ACSM6: variants seen among roughly 807,000 people sequenced by gnomAD.
The protein encoded by ACSM6 is acyl-coenzyme A synthetase ACSM6, mitochondrial.
A neutral mutation model predicts 51.1 loss-of-function variants in ACSM6; 35 were observed. The ratio of observed to expected loss-of-function variants is 0.69; its 90% confidence interval spans 0.52 to 0.91. The LOEUF is 0.91. Ranked by LOEUF, ACSM6 falls within the 40% of genes least tolerant of loss-of-function variation. ACSM6 has a pLI of 0.00. For missense variants in ACSM6, 509 were observed against 584.1 expected (o/e 0.87, Z 1.32); for synonymous variants, 172 against 207.3 (o/e 0.83, Z 1.46).
intron 7 of ACSM6, 90 bp from the exon 8 acceptor site, chr10:95,214,762 C>T: frequency 7.1e-7 from 1 of 1,399,174 alleles, no homozygotes. Context: ...ATTGGAATAA[C>T]TGCATCATTT....
chr10:95,228,859 G>A (rs1041551355), exon 11 of ACSM6: 8 of 1,303,452 alleles, frequency 6.1e-6, no homozygotes, highest in Non-Finnish European at 7.0e-6. Flanking sequence ...CAATACGTAG[G>A]AATTATATTT....
At chr10:95,215,018 G>T in intron 8 of ACSM6, 43 bp downstream of exon 8, 1 of 1,548,184 alleles carries the variant, frequency 6.5e-7, no homozygotes. Context: ...AACCAAACTT[G>T]CCCATTCACT....
chr10:95,213,517 C>A (rs2034915534), intron 7 of ACSM6, among the ~76,000 whole-genome samples: 1 of 152,104 alleles, frequency 6.6e-6, no homozygotes, highest in African/African-American at 2.4e-5. Context: ...ATTTTTTTCA[C>A]ACTATTCCTT....
intron 10 of ACSM6, 160 bp from the exon 11 acceptor site, chr10:95,228,484 C>A: frequency 1.6e-6 from 1 of 623,852 alleles, no homozygotes; most frequent in Non-Finnish European, 2.4e-6. Flanking sequence ...GGAAAGTTCT[C>A]CGTGTTTGTT....
At chr10:95,219,389 A>G (rs1337379177) in intron 8 of ACSM6, among the ~76,000 whole-genome samples, 2 of 152,200 alleles carry the variant, frequency 1.3e-5, no homozygotes, top group East Asian at 1.9e-4. Context: ...GCACTAAAAA[A>G]CAAACATATT....
rs149970124 is a variant in ACSM6 at position 95,227,094 on chromosome 10, C to T, written c.1303-1550C>T. On this transcript the variant is annotated intron_variant, in intron 10 of 10. Coordinates refer to ENST00000341686, the Ensembl canonical transcript of ACSM6. ...CTCCACCTCCCGGGTTCAAGCGATT[C>T]TACTGCCTCAGCCTCATGAGTAGCT... 2.0e-5 allele frequency among the ~76,000 whole-genome samples: 3 copies of T among 151,646 alleles called. No homozygotes were observed. In the South Asian group the frequency reaches 6.2e-4, roughly 31 times the overall value.
chr10:95,202,891 A>T (rs1267439267), intron 3 of ACSM6, among the ~76,000 whole-genome samples: 1 of 142,878 alleles, frequency 7.0e-6, no homozygotes, highest in Non-Finnish European at 1.5e-5. Context: ...GTGTGCTGAG[A>T]TTGTGCCACT....
chr10:95,194,628 A>T, exon 2 of ACSM6: 1 of 1,552,214 alleles, frequency 6.4e-7, no homozygotes, highest in Non-Finnish European at 8.7e-7. Flanking sequence ...GTTTCTCAGA[A>T]CTTTAATTTT....
At chr10:95,219,838 C>A in intron 8 of ACSM6, 53 bp from the exon 9 acceptor site, 2 of 1,299,290 alleles carry the variant, frequency 1.5e-6, no homozygotes, top group South Asian at 1.2e-5. Context: ...ATAACTAGAT[C>A]CATTAATTTA....
At chr10:95,194,777 G>C (rs1351558081) in intron 2 of ACSM6, 100 bp downstream of exon 2, 2 of 1,096,956 alleles carry the variant, frequency 1.8e-6, no homozygotes, top group African/African-American at 3.2e-5. Context: ...GCTGGCACTA[G>C]AAAGTGCAAA....
intron 2 of ACSM6, among the ~76,000 whole-genome samples, chr10:95,197,448 C>CAACA (rs1407547507): frequency 6.6e-6 from 1 of 152,124 alleles, no homozygotes; most frequent in African/African-American, 2.4e-5. Context: ...AGAAGGTCAG[C>CAACA]AACAAACATG....
chr10:95,197,254 T>G (rs908915663), intron 2 of ACSM6, among the ~76,000 whole-genome samples: 3 of 152,146 alleles, frequency 2.0e-5, no homozygotes, highest in Non-Finnish European at 4.4e-5. Flanking sequence ...GACGAGAGAC[T>G]GAGAAAAGAA....
intron 10 of ACSM6, among the ~76,000 whole-genome samples, chr10:95,227,615 A>G (rs901422309): frequency 6.6e-6 from 1 of 152,244 alleles, no homozygotes; most frequent in Non-Finnish European, 1.5e-5. Flanking sequence ...AGAGACCCAG[A>G]TATCTCACAT....
intron 2 of ACSM6, among the ~76,000 whole-genome samples, 160 bp downstream of exon 2, chr10:95,194,837 G>A (rs2034709865): frequency 6.6e-6 from 1 of 152,254 alleles, no homozygotes; most frequent in African/African-American, 2.4e-5. Context: ...AGGCTTGACA[G>A]CCAGATGGTT....
At chr10:95,196,632 T>A (rs563482316) in intron 2 of ACSM6, among the ~76,000 whole-genome samples, 3 of 152,118 alleles carry the variant, frequency 2.0e-5, no homozygotes, top group Non-Finnish European at 4.4e-5. Flanking sequence ...ATTCTATATA[T>A]AACTATTTGT....
intron 3 of ACSM6, 143 bp from the exon 4 acceptor site, chr10:95,207,065 A>G (rs745607130): frequency 2.0e-5 from 14 of 712,198 alleles, no homozygotes; most frequent in South Asian, 7.5e-5. Flanking sequence ...CCCAGTCGCC[A>G]TCGTGTTACT....
At chr10:95,211,789 C>A in intron 5 of ACSM6, 89 bp from the exon 6 acceptor site, 1 of 1,344,588 alleles carries the variant, frequency 7.4e-7, no homozygotes, top group Non-Finnish European at 1.0e-6. Context: ...TGTTTCTCCC[C>A]ACAGGTCAGG....
At chr10:95,222,746 A>G (rs1365535797) in intron 9 of ACSM6, among the ~76,000 whole-genome samples, 1 of 152,196 alleles carries the variant, frequency 6.6e-6, no homozygotes, top group Non-Finnish European at 1.5e-5. Context: ...CTACACAGAC[A>G]GTAACTACTA....
At chr10:95,195,780 T>C (rs1420323671) in intron 2 of ACSM6, among the ~76,000 whole-genome samples, 1 of 152,126 alleles carries the variant, frequency 6.6e-6, no homozygotes, top group African/African-American at 2.4e-5. Flanking sequence ...TTCATTGTCT[T>C]TGTGCAAAAT....
Sources: allele counts gnomAD v4.1 joint callset (sites outside exome capture counted in the v4.1 genomes callset), GRCh38; gene constraint gnomAD v4.1.1; transcripts MANE v1.5; gene names NCBI Gene and HGNC (gene_info 2026-07-23, HGNC 2026-07-21).